Variants in VPS53 observed in about 807,000 individuals in gnomAD.
VPS53 encodes VPS53 subunit of GARP complex.
Under a neutral mutation model 107.0 loss-of-function variants are expected in VPS53, and 70 were observed. The observed-to-expected ratio is 0.65, with a 90% CI of 0.54 to 0.80. The LOEUF (loss-of-function observed/expected upper bound fraction) is 0.80, where lower values mean the gene tolerates loss of function less well. Among genes scored for constraint, VPS53 ranks in the 30% least tolerant of loss-of-function variants. The pLI, the probability that VPS53 is intolerant of heterozygous loss-of-function variation, is 0.00. For synonymous variants in VPS53, 409 were observed against 393.3 expected (o/e 1.04, Z -0.47); for missense variants, 917 against 1,049.4 (o/e 0.87, Z 1.74).
chr17:587,484 G>A (rs1007346585), intron 12 of VPS53, among the ~76,000 whole-genome samples: 1 of 152,174 alleles, frequency 6.6e-6, no homozygotes, highest in Admixed American at 6.5e-5. Flanking sequence ...AGACAGGCAG[G>A]CAGGCAGGCA....
chr17:600,562 G>A (rs1438415356), intron 12 of VPS53, among the ~76,000 whole-genome samples: 5 of 152,214 alleles, frequency 3.3e-5, no homozygotes, highest in African/African-American at 1.2e-4. Flanking sequence ...ACATCTCCGG[G>A]ATGGAGCCTC....
At chr17:642,545 TC>T (rs1970468156) in intron 7 of VPS53, among the ~76,000 whole-genome samples, 1 of 149,072 alleles carries the variant, frequency 6.7e-6, no homozygotes, top group Admixed American at 6.7e-5. Context: ...AGGACAACAC[TC>T]ATACTTGGAA....
intron 6 of VPS53, among the ~76,000 whole-genome samples, chr17:653,840 T>C (rs1309206936): frequency 6.6e-6 from 1 of 152,150 alleles, no homozygotes; most frequent in Non-Finnish European, 1.5e-5. Flanking sequence ...TATCTGAGGA[T>C]TACAGCCTAT....
chr17:554,403 GT>G (rs1366644658), intron 15 of VPS53, among the ~76,000 whole-genome samples: 2 of 152,134 alleles, frequency 1.3e-5, no homozygotes, highest in East Asian at 3.8e-4. Flanking sequence ...AATAGCTAAT[GT>G]TTTGGCCTTT....
chr17:535,106 G>A (rs908075826), intron 18 of VPS53, among the ~76,000 whole-genome samples: 1 of 152,180 alleles, frequency 6.6e-6, no homozygotes, highest in African/African-American at 2.4e-5. Flanking sequence ...CTTGACCAGG[G>A]AAGGGTCTCC....
At chr17:664,345 T>C (rs964059043) in intron 4 of VPS53, among the ~76,000 whole-genome samples, 4 of 152,138 alleles carry the variant, frequency 2.6e-5, no homozygotes, top group Non-Finnish European at 5.9e-5. Context: ...CCCAAAGTGC[T>C]GGGATTACAG....
At position 685,545 on chromosome 17, in the gene VPS53, G is replaced by A. The variant is rs117296843; in HGVS notation, c.285+11873C>T. Among the ~76,000 whole-genome samples, 237 of 152,264 alleles carry A rather than the reference G, an allele frequency of 1.6e-3. 8 individuals carry two copies. The East Asian group carries it at 0.038, about 25-fold the overall frequency. On this transcript the variant is annotated intron_variant, in intron 4 of 21. Transcript: ENST00000437048. ...TGCCTGACTGTAGCCTAATGTAAGT[G>A]TTCTGAGCAAATAAATTTAAGGCAC...
chr17:508,692 G>A lies in VPS53; in HGVS notation c.*10436C>T, dbSNP rs951776930. Reference sequence around the variant, plus strand: ...AGCCTGTTACCATCTCTGTTTAATTGAAGAGCCTCTACCATTGCAAGAAGA... The same window carrying A: ...AGCCTGTTACCATCTCTGTTTAATTAAAGAGCCTCTACCATTGCAAGAAGA... On this transcript the variant is annotated 3_prime_UTR_variant, in exon 22 of 22. Transcript: ENST00000437048. 33 of 152,134 alleles carry A rather than the reference G, an allele frequency of 2.2e-4. No homozygotes were observed. Among genetic ancestry groups the A allele is most frequent in the African/African-American group, 7.5e-4 (31 of 41,428 alleles). The allele number at this position is 152,134 out of a possible 1,614,324, so 9.4% of individuals were successfully genotyped here. A position where few individuals can be genotyped will look rare whatever the true frequency, so the allele number is the denominator to read the frequency against.
intron 12 of VPS53, among the ~76,000 whole-genome samples, chr17:599,157 G>T (rs1311951351): frequency 6.8e-6 from 1 of 147,304 alleles, no homozygotes; most frequent in Admixed American, 6.7e-5. Flanking sequence ...CCGGCCAGCC[G>T]CCCCGCCCGG....
intron 13 of VPS53, among the ~76,000 whole-genome samples, chr17:584,730 T>C (rs954957012): frequency 6.6e-6 from 1 of 152,150 alleles, no homozygotes; most frequent in African/African-American, 2.4e-5. Context: ...TTTCAGCATG[T>C]TGCCCAGGCT....
rs1381180833 is a variant in VPS53 at position 596,113 on chromosome 17, ATAAT to A, written c.1218+5678_1218+5681del. ...TACTAGGTTTATAATTTATGAGCCC[ATAAT>A]TATTTCAAAATATAAAGTTTTTTAA... On this transcript the variant is annotated intron_variant, in intron 12 of 21. Transcript: ENST00000437048. Among the ~76,000 whole-genome samples the A allele has an allele frequency of 4.6e-5, 7 of 152,400 alleles. No individual in the cohort carries two copies. The East Asian group carries it at 1.3e-3, about 29-fold the overall frequency.
chr17:710,721 T>A (rs1466397683), intron 1 of VPS53, 108 bp from the exon 2 acceptor site: 2 of 770,316 alleles, frequency 2.6e-6, no homozygotes, highest in Non-Finnish European at 4.1e-6. Flanking sequence ...GGCTCATGCC[T>A]GTAATCACAG....
rs73975795 is a variant in VPS53 at position 657,695 on chromosome 17, T to C, written c.373-1742A>G. On this transcript the variant is annotated intron_variant, in intron 5 of 21. Coordinates refer to ENST00000437048, the MANE Select transcript of VPS53 (RefSeq NM_001128159.3). ...AAACACAAATACTGTAGTCACTGGA[T>C]AGATACATCCCATTAAAGTGAGTAA... 1.9e-3 allele frequency: 1,045 copies of C among 543,930 alleles called. 10 individuals are homozygous for C. The highest frequency in any genetic ancestry group is 0.012 in the South Asian group (508 of 44,132). The allele number at this position is 543,930 out of a possible 1,614,324, so 33.7% of individuals were successfully genotyped here.
At chr17:589,027 TACAA>T (rs1967490756) in intron 12 of VPS53, among the ~76,000 whole-genome samples, 1 of 152,124 alleles carries the variant, frequency 6.6e-6, no homozygotes, top group South Asian at 2.1e-4. Flanking sequence ...ACATGGCTAC[TACAA>T]ACAGATATCT....
intron 17 of VPS53, among the ~76,000 whole-genome samples, chr17:540,201 T>C (rs1910517352): frequency 6.6e-6 from 1 of 152,034 alleles, no homozygotes; most frequent in African/African-American, 2.4e-5. Context: ...TTTTCATTTT[T>C]TTTTGAGACA....
chr17:629,542 GGTCAGGAGATC>G (rs1308321736), intron 8 of VPS53, among the ~76,000 whole-genome samples: 1 of 152,042 alleles, frequency 6.6e-6, no homozygotes, highest in African/African-American at 2.4e-5. Context: ...CAGATCATGA[GGTCAGGAGATC>G]GAGATCCATC....
At position 562,729 on chromosome 17, in the gene VPS53, T is replaced by C. The variant is rs1445126579; in HGVS notation, c.1330A>G (p.Ile444Val). ...ESQDKNLGEL[I>V]DRFVADFKAQ... is the part of the protein sequence containing the mutation. ...TTGAAATCAGCCACAAACCGATCTA[T>C]CAGCTCTCCGAGGTTCCTAGGAGGA... The change falls in exon 14 of 22, where the codon ATA (isoleucine) becomes GTA (valine). Residue 444 changes from isoleucine to valine, a missense_variant. Coordinates refer to ENST00000437048, the MANE Select transcript of VPS53 (RefSeq NM_001128159.3). 1 of 1,612,420 alleles carries C rather than the reference T, an allele frequency of 6.2e-7. No individual in the cohort carries two copies. Among genetic ancestry groups the C allele is most frequent in the South Asian group, 1.1e-5 (1 of 90,946 alleles).
intron 4 of VPS53, among the ~76,000 whole-genome samples, chr17:683,715 T>C (rs1261068585): frequency 1.3e-5 from 2 of 152,176 alleles, no homozygotes; most frequent in African/African-American, 4.8e-5. Context: ...TAAAATAAAA[T>C]AGCTGGGTGT....
At chr17:576,815 T>C (rs1181697427) in intron 13 of VPS53, among the ~76,000 whole-genome samples, 2 of 134,170 alleles carry the variant, frequency 1.5e-5, no homozygotes, top group Non-Finnish European at 3.2e-5. Context: ...CAGAACCCAA[T>C]ATGTGCCCAG....
Sources: allele counts gnomAD v4.1 joint callset (sites outside exome capture counted in the v4.1 genomes callset), GRCh38; gene constraint gnomAD v4.1.1; transcripts MANE v1.5; gene names NCBI Gene and HGNC (gene_info 2026-07-23, HGNC 2026-07-21).